Variants in BNC2 observed in about 807,000 individuals in gnomAD.
The protein encoded by BNC2 is basonuclin zinc finger protein 2.
Under a neutral mutation model 76.3 loss-of-function variants are expected in BNC2, and 20 were observed. The observed-to-expected ratio is 0.26, with a 90% CI of 0.18 to 0.38. BNC2 has a LOEUF of 0.38. Ranked by LOEUF, BNC2 falls within the 10% of genes least tolerant of loss-of-function variation. The probability of loss-of-function intolerance (pLI) is 1.00; values close to 1 mark genes in which losing one functional copy is unlikely to be tolerated. For missense variants in BNC2, 1,382 were observed against 1,399.8 expected (o/e 0.99, Z 0.20); for synonymous variants, 582 against 514.8 (o/e 1.13, Z -1.77).
chr9:16,634,530 C>G (rs1431004334), intron 3 of BNC2, among the ~76,000 whole-genome samples: 1 of 136,734 alleles, frequency 7.3e-6, no homozygotes, highest in Non-Finnish European at 1.5e-5. Flanking sequence ...GAGACAGAGT[C>G]TCATTCTGTC....
At chr9:16,741,142 C>G (rs185681275) in intron 1 of BNC2, among the ~76,000 whole-genome samples, 1 of 152,030 alleles carries the variant, frequency 6.6e-6, no homozygotes, top group Non-Finnish European at 1.5e-5. Flanking sequence ...TCGAGGAGTA[C>G]TAGAAGGAAG....
At chr9:16,453,942 A>T (rs1405178394) in intron 5 of BNC2, among the ~76,000 whole-genome samples, 1 of 152,204 alleles carries the variant, frequency 6.6e-6, no homozygotes, top group African/African-American at 2.4e-5. Context: ...ACACTCTGAC[A>T]CTGCACCAGA....
At chr9:16,816,664 AATT>A (rs1290469700) in intron 1 of BNC2, among the ~76,000 whole-genome samples, 2 of 152,236 alleles carry the variant, frequency 1.3e-5, no homozygotes, top group African/African-American at 4.8e-5. Flanking sequence ...CTTGTTAAAA[AATT>A]AATCTCAAGG....
intron 1 of BNC2, among the ~76,000 whole-genome samples, chr9:16,840,302 A>G (rs1318798259): frequency 6.6e-6 from 1 of 152,166 alleles, no homozygotes; most frequent in Non-Finnish European, 1.5e-5. Context: ...TGGCAGCCAC[A>G]TACGCTCCTC....
chr9:16,594,682 C>G (rs1415474), intron 3 of BNC2, among the ~76,000 whole-genome samples: 1 of 151,872 alleles, frequency 6.6e-6, no homozygotes, highest in Non-Finnish European at 1.5e-5. Flanking sequence ...GCTTGCATAA[C>G]ATTTCAAATA....
intron 5 of BNC2, among the ~76,000 whole-genome samples, chr9:16,494,871 C>A (rs1822354103): frequency 6.6e-6 from 1 of 152,020 alleles, no homozygotes; most frequent in South Asian, 2.1e-4. Context: ...AGGAGAAATA[C>A]CTAATGTAAA....
chr9:16,762,978 G>A (rs986132072), intron 1 of BNC2, among the ~76,000 whole-genome samples: 2 of 152,222 alleles, frequency 1.3e-5, no homozygotes, highest in Middle Eastern at 6.8e-3. Context: ...AATCAAGGAA[G>A]AAAGGTTAAG....
At chr9:16,569,692 T>C (rs1819266382) in intron 4 of BNC2, among the ~76,000 whole-genome samples, 1 of 152,222 alleles carries the variant, frequency 6.6e-6, no homozygotes, top group South Asian at 2.1e-4. Context: ...GGCCCACTTT[T>C]GGGGGCATGC....
rs1315810650 is a variant in BNC2, at chr9:16,414,247, A to T, written c.*4742T>A. On this transcript the variant is annotated 3_prime_UTR_variant, in exon 7 of 7. Coordinates refer to ENST00000380672, the MANE Select transcript of BNC2 (RefSeq NM_017637.6). Reference sequence around the variant, plus strand: ...ACCCACTGCGAGGCAGAGCTATGCCAGTCTTTTCTCTCGAGCCAACATTTC... The same window carrying T: ...ACCCACTGCGAGGCAGAGCTATGCCTGTCTTTTCTCTCGAGCCAACATTTC... 6.6e-6 allele frequency: 1 copy of T among 152,246 alleles called. No homozygotes were observed. The highest frequency in any genetic ancestry group is 1.5e-5 in the Non-Finnish European group (1 of 68,092). 9.4% of individuals were successfully genotyped at this position (152,246 alleles called of 1,614,324 possible). A position where few individuals can be genotyped will look rare whatever the true frequency, so the allele number is the denominator to read the frequency against.
At chr9:16,868,461 C>G (rs1819596608) in intron 1 of BNC2, among the ~76,000 whole-genome samples, 1 of 152,184 alleles carries the variant, frequency 6.6e-6, no homozygotes, top group South Asian at 2.1e-4. Context: ...TAGGAATGTA[C>G]TGCTATTAAC....
At chr9:16,626,668 G>A (rs1395507673) in intron 3 of BNC2, among the ~76,000 whole-genome samples, 4 of 151,776 alleles carry the variant, frequency 2.6e-5, no homozygotes, top group African/African-American at 7.3e-5. Context: ...CCTACGAAAC[G>A]TAAAAGGCAA....
chr9:16,710,864 C>G (rs1823816319), intron 3 of BNC2, among the ~76,000 whole-genome samples: 1 of 152,142 alleles, frequency 6.6e-6, no homozygotes, highest in South Asian at 2.1e-4. Flanking sequence ...TTGCTCATCA[C>G]AGGACCCACA....
At chr9:16,858,661 T>C (rs1586941613) in intron 1 of BNC2, among the ~76,000 whole-genome samples, 2 of 151,902 alleles carry the variant, frequency 1.3e-5, no homozygotes, top group African/African-American at 4.8e-5. Flanking sequence ...CTGGCTAACA[T>C]GGTAAAACCC....
intron 2 of BNC2, among the ~76,000 whole-genome samples, chr9:16,732,124 C>T (rs10738454): frequency 0.9 from 128,799 of 143,806 alleles, 57,743 homozygotes; most frequent in Non-Finnish European, 0.91. Flanking sequence ...TTGAGTATTA[C>T]GGTGGGTTTT....
chr9:16,654,952 T>C (rs1821887250), intron 3 of BNC2, among the ~76,000 whole-genome samples: 1 of 152,100 alleles, frequency 6.6e-6, no homozygotes, highest in African/African-American at 2.4e-5. Flanking sequence ...CTACACTTCC[T>C]TCCTAGTCAA....
chr9:16,636,264 A>C (rs1238745406), intron 3 of BNC2, among the ~76,000 whole-genome samples: 3 of 152,172 alleles, frequency 2.0e-5, no homozygotes, highest in Non-Finnish European at 4.4e-5. Flanking sequence ...CTGACCATCC[A>C]TAGTTCATGG....
Position 16,436,738 on chromosome 9 carries a change from G to A in BNC2, c.1456C>T (p.Arg486Cys). The A allele has an allele frequency of 6.2e-7, 1 of 1,614,152 alleles. No individual in the cohort carries two copies. Among genetic ancestry groups the A allele is most frequent in the Non-Finnish European group, 8.5e-7 (1 of 1,180,014 alleles). The change falls in exon 6 of 7, where the codon CGT becomes TGT. Residue 486 changes from arginine (R) to cysteine (C), a missense_variant. Transcript: ENST00000380672. The stretch of plus-strand genomic sequence containing the variant: ...TTGGGGTTTGCACTGTGGCGATTAC[G>A]ACTTCGGAGGGAGCTAAAGACCATG... ...CNMVFSSLRS[R>C]NRHSANPNPR...
At chr9:16,661,822 G>A (rs1411428) in intron 3 of BNC2, among the ~76,000 whole-genome samples, 91,261 of 152,060 alleles carry the variant, frequency 0.6, 31,628 homozygotes, top group East Asian at 1. Flanking sequence ...CTACTACAGA[G>A]TTAAATAATA....
At chr9:16,444,210 G>C (rs1468276516) in intron 5 of BNC2, among the ~76,000 whole-genome samples, 1 of 152,016 alleles carries the variant, frequency 6.6e-6, no homozygotes, top group African/African-American at 2.4e-5. Flanking sequence ...TTTACCTAAA[G>C]GTGATTTTTT....
Sources: gnomAD v4.1 joint callset for allele counts (sites outside exome capture counted in the v4.1 genomes callset) on GRCh38, gnomAD v4.1.1 for gene constraint, MANE v1.5 for transcripts, NCBI Gene and HGNC (gene_info 2026-07-23, HGNC 2026-07-21) for gene names.